The following CALCR variants were observed in gnomAD, a reference collection of about 807,000 sequenced individuals.
The protein encoded by CALCR is calcitonin receptor.
Under a neutral mutation model 59.5 loss-of-function variants are expected in CALCR, and 47 were observed. The ratio of observed to expected loss-of-function variants is 0.79; its 90% CI spans 0.63 to 1.01. The LOEUF is 1.01. Among genes scored for constraint, CALCR ranks in the 50% least tolerant of loss-of-function variants. The pLI is 0.00. For missense variants in CALCR, 566 were observed against 597.1 expected (o/e 0.95, Z 0.54); for synonymous variants, 213 against 211.3 (o/e 1.01, Z -0.07).
At chr7:93,461,699 T>C (rs1460411310) in intron 7 of CALCR, among the ~76,000 whole-genome samples, 1 of 152,156 alleles carries the variant, frequency 6.6e-6, no homozygotes, top group African/African-American at 2.4e-5. Context: ...TTATTGGGGC[T>C]TTTATTCTTT....
At chr7:93,430,794 C>T (rs1389905140) in intron 13 of CALCR, among the ~76,000 whole-genome samples, 1 of 152,116 alleles carries the variant, frequency 6.6e-6, no homozygotes, top group East Asian at 1.9e-4. Context: ...GCTGCTGGGG[C>T]CAAGCAATCC....
intron 2 of CALCR, among the ~76,000 whole-genome samples, chr7:93,514,764 C>T (rs1801615595): frequency 6.6e-6 from 1 of 151,942 alleles, no homozygotes. Context: ...TTTTCTCTTT[C>T]TGTAAGAATG....
Position 93,427,748 on chromosome 7 carries a change from CT to C in CALCR, c.1192-1160del, listed in dbSNP as rs531185107. Among the ~76,000 whole-genome samples, 655 of 150,962 alleles carry C rather than the reference CT, an allele frequency of 4.3e-3. 1 individual carries two copies. Among genetic ancestry groups the C allele is most frequent in the Middle Eastern group, 6.9e-3 (2 of 290 alleles). Reference sequence around the variant, plus strand: ...GCTGAATGGTTCTGTGGCAAATATACTTTTTTTTTCCTGTATCTAGTAGAGT... The same window carrying C: ...GCTGAATGGTTCTGTGGCAAATATACTTTTTTTTCCTGTATCTAGTAGAGT... On this transcript the variant is annotated intron_variant, in intron 13 of 13. Coordinates refer to ENST00000426151, the MANE Select transcript of CALCR (RefSeq NM_001742.4).
At chr7:93,482,646 T>G (rs1231117699) in intron 3 of CALCR, 1 of 366,710 alleles carries the variant, frequency 2.7e-6, no homozygotes, top group Non-Finnish European at 5.4e-6. Context: ...TAGAAAACCC[T>G]ATGCTTGTAT....
chr7:93,553,397 G>A (rs567904683), intron 2 of CALCR, among the ~76,000 whole-genome samples: 1 of 152,242 alleles, frequency 6.6e-6, no homozygotes, highest in East Asian at 1.9e-4. Flanking sequence ...TCCAGATAAT[G>A]AGCAAGATCA....
chr7:93,484,332 T>C (rs1469942434), intron 3 of CALCR, among the ~76,000 whole-genome samples: 2 of 151,804 alleles, frequency 1.3e-5, no homozygotes, highest in African/African-American at 4.8e-5. Context: ...CTGTTCTTCA[T>C]GGAACTTTGA....
At chr7:93,497,070 A>G (rs1801221562) in intron 2 of CALCR, among the ~76,000 whole-genome samples, 1 of 151,566 alleles carries the variant, frequency 6.6e-6, no homozygotes, top group African/African-American at 2.4e-5. Flanking sequence ...ATGTCTATCT[A>G]AATCCAGGCT....
intron 2 of CALCR, among the ~76,000 whole-genome samples, chr7:93,542,073 T>A (rs1789158090): frequency 6.6e-6 from 1 of 152,196 alleles, no homozygotes; most frequent in Non-Finnish European, 1.5e-5. Flanking sequence ...TATATTTACC[T>A]CTCAGTCTGT....
intron 2 of CALCR, among the ~76,000 whole-genome samples, chr7:93,546,620 C>G (rs779543117): frequency 6.6e-6 from 1 of 151,106 alleles, no homozygotes; most frequent in East Asian, 1.9e-4. Flanking sequence ...GGTGGGATCA[C>G]AGCTCACTGC....
intron 2 of CALCR, among the ~76,000 whole-genome samples, chr7:93,518,478 G>C (rs1201333836): frequency 2.6e-5 from 4 of 151,844 alleles, no homozygotes; most frequent in Non-Finnish European, 5.9e-5. Flanking sequence ...TTTCCCACCT[G>C]TTAGCTTAGC....
intron 2 of CALCR, among the ~76,000 whole-genome samples, chr7:93,557,368 C>T (rs1039168938): frequency 6.6e-6 from 1 of 151,528 alleles, no homozygotes; most frequent in African/African-American, 2.4e-5. Context: ...CTAAATCAAG[C>T]TAATTAACAT....
chr7:93,512,059 C>G (rs1374647924), intron 2 of CALCR, among the ~76,000 whole-genome samples: 2 of 152,192 alleles, frequency 1.3e-5, no homozygotes, highest in Non-Finnish European at 2.9e-5. Context: ...AAGCTTAATG[C>G]TCTTCCTTAG....
At chr7:93,485,076 T>G (rs1800911997) in intron 3 of CALCR, among the ~76,000 whole-genome samples, 1 of 151,786 alleles carries the variant, frequency 6.6e-6, no homozygotes, top group Non-Finnish European at 1.5e-5. Flanking sequence ...ATTAAAATTT[T>G]TTTTCTCTGA....
intron 2 of CALCR, among the ~76,000 whole-genome samples, chr7:93,532,905 C>T (rs1788883972): frequency 7.1e-6 from 1 of 141,074 alleles, no homozygotes; most frequent in African/African-American, 2.7e-5. Context: ...TGAGCTTTCA[C>T]AAAATGAGGG....
chr7:93,479,392 T>C lies in CALCR; in HGVS notation c.167A>G (p.Tyr56Cys), dbSNP rs758936642. 4.3e-6 allele frequency: 7 copies of C among 1,611,602 alleles called. No individual in the cohort carries two copies. The highest frequency in any genetic ancestry group is 5.1e-6 in the Non-Finnish European group (6 of 1,178,658). Reference protein sequence around the residue: ...KKMMDAQYKCYDRMQQLPAYQ... With the variant: ...KKMMDAQYKCCDRMQQLPAYQ... ...TGCGGGTAACTGCTGCATTCGGTCA[T>C]AGCATTTGTACTGTGCATCCATCAT... is the stretch of plus-strand genomic sequence containing the variant. The change falls in exon 4 of 14, where the codon TAT becomes TGT. Residue 56 changes from tyrosine to cysteine, a missense_variant. Transcript: ENST00000426151.
At chr7:93,446,670 G>A (rs763915780) in intron 8 of CALCR, among the ~76,000 whole-genome samples, 6 of 151,918 alleles carry the variant, frequency 3.9e-5, no homozygotes, top group Non-Finnish European at 8.8e-5. Flanking sequence ...AAATGATGGG[G>A]CCTCTTGATT....
chr7:93,538,237 GA>G (rs1789044046), intron 2 of CALCR, among the ~76,000 whole-genome samples: 1 of 151,968 alleles, frequency 6.6e-6, no homozygotes, highest in Non-Finnish European at 1.5e-5. Context: ...GTGTTCTGCT[GA>G]AAAAGCAGAT....
intron 2 of CALCR, among the ~76,000 whole-genome samples, chr7:93,509,167 G>C (rs140316610): frequency 6.6e-6 from 1 of 152,064 alleles, no homozygotes; most frequent in African/African-American, 2.4e-5. Flanking sequence ...ATGGCAGAGA[G>C]GGATCCCGTA....
Position 93,494,295 on chromosome 7 carries a change from A to C in CALCR, c.-26-7288T>G, listed in dbSNP as rs372483806. On this transcript the variant is annotated intron_variant, in intron 2 of 13. Coordinates refer to ENST00000426151, the MANE Select transcript of CALCR (RefSeq NM_001742.4). ...ACTCAACAGTGTTATTAAAATGAGG[A>C]GCATTGGAGGCAATGGGAGACTTGT... Among the ~76,000 whole-genome samples, 25 of 151,462 alleles carry C rather than the reference A, an allele frequency of 1.7e-4. No individual in the cohort carries two copies. The East Asian group carries it at 4.9e-3, about 30-fold the overall frequency.
Sources: gnomAD v4.1 joint callset for allele counts (sites outside exome capture counted in the v4.1 genomes callset) on GRCh38, gnomAD v4.1.1 for gene constraint, MANE v1.5 for transcripts, NCBI Gene and HGNC (gene_info 2026-07-23, HGNC 2026-07-21) for gene names.